Variants in EYA2 observed in about 807,000 individuals in gnomAD.
EYA2 encodes the protein protein phosphatase EYA2.
A neutral mutation model predicts 69.2 loss-of-function variants in EYA2; 31 were observed. That is an observed-to-expected ratio of 0.45 (90% CI 0.34 to 0.60). EYA2 has a LOEUF of 0.60. EYA2 is among the 20% of genes least tolerant of loss of function. The pLI, the probability that EYA2 is intolerant of heterozygous loss-of-function variation, is 0.02. For missense variants in EYA2, 622 were observed against 701.2 expected, an observed-to-expected ratio of 0.89 and a Z score of 1.28; for synonymous variants, 257 against 279.4, an observed-to-expected ratio of 0.92 and a Z score of 0.80.
chr20:47,101,912 T>C (rs1763607252), intron 9 of EYA2, among the ~76,000 whole-genome samples: 1 of 152,244 alleles, frequency 6.6e-6, no homozygotes, highest in African/African-American at 2.4e-5. Flanking sequence ...CAGTTCTTTC[T>C]CTCTGTACTT....
At chr20:47,005,807 T>G (rs1982675259) in intron 4 of EYA2, among the ~76,000 whole-genome samples, 1 of 152,228 alleles carries the variant, frequency 6.6e-6, no homozygotes, top group South Asian at 2.1e-4. Flanking sequence ...ACTGAAGACT[T>G]GCGAACCTGG....
intron 9 of EYA2, among the ~76,000 whole-genome samples, chr20:47,138,086 A>C (rs1018654278): frequency 6.6e-6 from 1 of 151,880 alleles, no homozygotes; most frequent in South Asian, 2.1e-4. Context: ...ACATGTATAC[A>C]TATGTAACTA....
intron 5 of EYA2, among the ~76,000 whole-genome samples, chr20:47,055,305 G>C (rs1299804416): frequency 1.3e-5 from 2 of 152,142 alleles, no homozygotes; most frequent in East Asian, 3.8e-4. Flanking sequence ...GGTCTTTATG[G>C]GTTACCATTC....
intron 5 of EYA2, among the ~76,000 whole-genome samples, chr20:47,063,729 T>G (rs2031000381): frequency 6.6e-6 from 1 of 152,162 alleles, no homozygotes; most frequent in African/African-American, 2.4e-5. Flanking sequence ...CAAGTCTTCA[T>G]TTACTTAAGG....
intron 9 of EYA2, among the ~76,000 whole-genome samples, chr20:47,109,267 T>C (rs2032681912): frequency 6.6e-6 from 1 of 152,042 alleles, no homozygotes; most frequent in Non-Finnish European, 1.5e-5. Flanking sequence ...CTATCAATTT[T>C]ATTATTTTCT....
chr20:47,035,762 CT>C (rs1241752950), intron 5 of EYA2, among the ~76,000 whole-genome samples: 1 of 151,706 alleles, frequency 6.6e-6, no homozygotes, highest in Non-Finnish European at 1.5e-5. Flanking sequence ...ATACCTGTAA[CT>C]TTGGGAAACG....
At chr20:47,003,037 A>G (rs935983969) in intron 3 of EYA2, among the ~76,000 whole-genome samples, 2 of 152,340 alleles carry the variant, frequency 1.3e-5, no homozygotes, top group East Asian at 3.9e-4. Context: ...TGTAACCAAA[A>G]TGGAATCAGA....
At chr20:47,029,553 AC>A (rs1372222043) in intron 5 of EYA2, among the ~76,000 whole-genome samples, 1 of 152,142 alleles carries the variant, frequency 6.6e-6, no homozygotes, top group Non-Finnish European at 1.5e-5. Flanking sequence ...TACTCCTTTT[AC>A]CCCTTCCTCT....
intron 1 of EYA2, among the ~76,000 whole-genome samples, chr20:46,924,731 C>T (rs1422720764): frequency 6.8e-6 from 1 of 147,478 alleles, no homozygotes. Context: ...AAGGCAGTAA[C>T]CAGAATAAAC....
chr20:47,146,788 C>T lies in EYA2; in HGVS notation c.978+3640C>T, dbSNP rs571091942. Among the ~76,000 whole-genome samples, 28 of 152,310 alleles carry T rather than the reference C, an allele frequency of 1.8e-4. No homozygotes were observed. The South Asian group carries it at 2.3e-3, about 12-fold the overall frequency. On this transcript the variant is annotated intron_variant, in intron 10 of 15. Transcript: ENST00000327619. ...CCACCTGTAAGGGAGTTCCTTCCCG[C>T]GTCCAGCAGCGCTTTATGAAGGGCT...
At chr20:46,928,282 A>G (rs954816235) in intron 1 of EYA2, among the ~76,000 whole-genome samples, 3 of 152,206 alleles carry the variant, frequency 2.0e-5, no homozygotes, top group Non-Finnish European at 4.4e-5. Context: ...ACCCTCAGCA[A>G]AGTCTGCTGT....
intron 13 of EYA2, among the ~76,000 whole-genome samples, 160 bp downstream of exon 13, chr20:47,180,072 G>A (rs1018215545): frequency 3.3e-5 from 5 of 151,668 alleles, no homozygotes; most frequent in Non-Finnish European, 7.4e-5. Context: ...TCACTCTGTC[G>A]CCCAGGCTGG....
chr20:47,129,744 C>G (rs1055638653), intron 9 of EYA2, among the ~76,000 whole-genome samples: 8 of 152,270 alleles, frequency 5.3e-5, no homozygotes, highest in Admixed American at 1.3e-4. Context: ...TCACCGCCCC[C>G]CTCTCTTGGT....
intron 1 of EYA2, among the ~76,000 whole-genome samples, chr20:46,924,524 G>A (rs1402166430): frequency 6.6e-6 from 1 of 152,090 alleles, no homozygotes; most frequent in Non-Finnish European, 1.5e-5. Context: ...CAAAAAATTA[G>A]CCAGGCGTGG....
intron 1 of EYA2, among the ~76,000 whole-genome samples, chr20:46,926,174 T>G (rs2146244327): frequency 6.6e-6 from 1 of 152,348 alleles, no homozygotes; most frequent in Non-Finnish European, 1.5e-5. Flanking sequence ...TTATTAGGAC[T>G]AATTAACTAT....
At chr20:46,941,960 G>A (rs2146263709) in intron 1 of EYA2, among the ~76,000 whole-genome samples, 1 of 152,048 alleles carries the variant, frequency 6.6e-6, no homozygotes, top group Non-Finnish European at 1.5e-5. Context: ...ATCTCACTAT[G>A]TCGCCCAGCT....
chr20:47,138,759 A>C (rs991984127), intron 9 of EYA2, among the ~76,000 whole-genome samples: 3 of 152,136 alleles, frequency 2.0e-5, no homozygotes, highest in Non-Finnish European at 2.9e-5. Flanking sequence ...CAAAAAAAAA[A>C]AAAATCTAGA....
chr20:46,965,384 T>G (rs927835838), intron 1 of EYA2, among the ~76,000 whole-genome samples: 1 of 152,188 alleles, frequency 6.6e-6, no homozygotes, highest in Non-Finnish European at 1.5e-5. Flanking sequence ...CCACCAGCAG[T>G]GTTCCCAAGT....
chr20:46,912,654 A>G (rs2146225474), intron 1 of EYA2, among the ~76,000 whole-genome samples: 1 of 152,072 alleles, frequency 6.6e-6, no homozygotes, highest in East Asian at 1.9e-4. Context: ...TTGATGGGAA[A>G]CATTGAGGTA....
Sources: gnomAD v4.1 joint callset for allele counts (sites outside exome capture counted in the v4.1 genomes callset) on GRCh38, gnomAD v4.1.1 for gene constraint, MANE v1.5 for transcripts, NCBI Gene and HGNC (gene_info 2026-07-23, HGNC 2026-07-21) for gene names.